The following DDB2 variants were observed in gnomAD, a reference collection of about 807,000 sequenced individuals.
The protein encoded by DDB2 is DNA damage-binding protein 2.
In DDB2, 27 loss-of-function variants were observed where a neutral mutation model predicts 50.5. That is an observed-to-expected ratio of 0.53 (90% confidence interval 0.39 to 0.74). DDB2 has a LOEUF of 0.74. DDB2 is among the 30% of genes least tolerant of loss of function. The pLI is 0.00. For synonymous variants in DDB2, 176 were observed against 205.5 expected (o/e 0.86, Z 1.23); for missense variants, 424 against 545.6 (o/e 0.78, Z 2.22).
At chr11:47,221,812 C>T (rs1953488721) in intron 3 of DDB2, 1 of 152,108 alleles carries the variant, frequency 6.6e-6, no homozygotes, top group Non-Finnish European at 1.5e-5. Flanking sequence ...AACTCCTGAC[C>T]TCAAGTGATC....
At chr11:47,238,754 G>C in intron 9 of DDB2, 46 bp from the exon 10 acceptor site, 1 of 1,607,424 alleles carries the variant, frequency 6.2e-7, no homozygotes, top group Non-Finnish European at 8.5e-7. Flanking sequence ...GGCTCTGAGA[G>C]ATTGGTAACA....
chr11:47,237,786 C>A, intron 7 of DDB2, 51 bp from the exon 8 acceptor site: 4 of 1,592,238 alleles, frequency 2.5e-6, no homozygotes, highest in Non-Finnish European at 3.4e-6. Context: ...TTGATGTCCC[C>A]CTTGATCATG....
At chr11:47,214,805 C>A, upstream of DDB2, 1 of 399,580 alleles carries the variant, frequency 2.5e-6, no homozygotes, top group Non-Finnish European at 4.7e-6. Flanking sequence ...AGCCGGGGAC[C>A]ATCTTTGCTC....
chr11:47,226,957 T>C (rs1362651497), intron 3 of DDB2, among the ~76,000 whole-genome samples: 2 of 151,750 alleles, frequency 1.3e-5, no homozygotes, highest in African/African-American at 4.8e-5. Flanking sequence ...AAGGACTTAC[T>C]AAGTTAAAAA....
upstream of DDB2, chr11:47,214,771 T>TAA (rs781389544): frequency 2.0e-4 from 62 of 304,714 alleles, no homozygotes; most frequent in East Asian, 3.6e-4. Flanking sequence ...ACCCTGTTGC[T>TAA]AAAAAAAAAA....
intron 3 of DDB2, among the ~76,000 whole-genome samples, chr11:47,225,952 T>TAAA (rs957282630): frequency 2.0e-5 from 3 of 152,256 alleles, no homozygotes; most frequent in Non-Finnish European, 2.9e-5. Context: ...TTTCCTTTTT[T>TAAA]AAGGCTGAAT....
intron 3 of DDB2, among the ~76,000 whole-genome samples, chr11:47,222,494 C>A (rs1407006009): frequency 6.6e-6 from 1 of 152,154 alleles, no homozygotes; most frequent in Non-Finnish European, 1.5e-5. Flanking sequence ...CATGCACAGG[C>A]CACCATACCT....
At position 47,237,080 on chromosome 11, in the gene DDB2, T is replaced by C. The variant is rs4237548; in HGVS notation, c.1024-757T>C. 5.3e-3 allele frequency among the ~76,000 whole-genome samples: 812 copies of C among 152,316 alleles called. 4 individuals carry two copies. Among genetic ancestry groups the C allele is most frequent in the Admixed American group, 9.7e-3 (148 of 15,292 alleles). On this transcript the variant is annotated intron_variant, in intron 7 of 9. Coordinates refer to ENST00000256996, the MANE Select transcript of DDB2 (RefSeq NM_000107.3). The stretch of plus-strand genomic sequence containing the variant: ...TGGGTTTCCTTCTCTTTTTTAGCCA[T>C]TAGCAATTTTACACTCAGCTCTTAG...
chr11:47,233,081 C>G (rs1953672701), intron 4 of DDB2, 122 bp downstream of exon 4: 5 of 1,160,000 alleles, frequency 4.3e-6, no homozygotes, highest in African/African-American at 1.5e-5. Flanking sequence ...ATGTCAGCCA[C>G]TTTCCGCCCT....
chr11:47,237,878 A>T lies in DDB2; in HGVS notation c.1065A>T (p.Arg355=). 2 of 1,614,138 alleles carry T rather than the reference A, an allele frequency of 1.2e-6. No individual in the cohort carries two copies. The highest frequency in any genetic ancestry group is 1.1e-5 in the South Asian group (1 of 91,080). ...HPRYNLIVVG[R]YPDPNFKSCT... is the part of the protein sequence containing the mutation. ...GCTACAACCTCATTGTTGTGGGCCGATACCCAGATCCTAATTTCAAAAGTT... is the reference window on the plus strand; with the variant it reads ...GCTACAACCTCATTGTTGTGGGCCGTTACCCAGATCCTAATTTCAAAAGTT... The change falls in exon 8 of 10, where the codon CGA becomes CGT. Residue 355 remains arginine (R), a synonymous_variant. Transcript: ENST00000256996.
chr11:47,221,846 G>A (rs1186538601), intron 3 of DDB2: 1 of 152,230 alleles, frequency 6.6e-6, no homozygotes, highest in Non-Finnish European at 1.5e-5. Flanking sequence ...CTCCCAAAAT[G>A]CTGGGATTAC....
intron 7 of DDB2, among the ~76,000 whole-genome samples, chr11:47,236,265 A>G (rs908169280): frequency 1.3e-5 from 2 of 152,108 alleles, no homozygotes; most frequent in African/African-American, 4.8e-5. Context: ...TGCAGGTTTC[A>G]GTGCTTCTAA....
At chr11:47,218,699 AG>A (rs1356420154) in intron 3 of DDB2, among the ~76,000 whole-genome samples, 1 of 151,712 alleles carries the variant, frequency 6.6e-6, no homozygotes, top group African/African-American at 2.4e-5. Context: ...CACTGGGTTT[AG>A]AGCAGGAGTC....
At chr11:47,228,818 G>A (rs542555298) in intron 3 of DDB2, among the ~76,000 whole-genome samples, 3 of 151,524 alleles carry the variant, frequency 2.0e-5, no homozygotes, top group South Asian at 4.2e-4. Flanking sequence ...TTAGCTAAGC[G>A]TGGTGGCGTG....
chr11:47,216,278 T>A (rs946249161), intron 1 of DDB2, 58 bp from the exon 2 acceptor site: 4 of 1,613,722 alleles, frequency 2.5e-6, no homozygotes, highest in Non-Finnish European at 2.5e-6. Flanking sequence ...TTCGGGGAAT[T>A]CAGCAGAAAA....
chr11:47,229,311 A>G (rs1193607572), intron 3 of DDB2, among the ~76,000 whole-genome samples: 1 of 152,100 alleles, frequency 6.6e-6, no homozygotes, highest in East Asian at 1.9e-4. Flanking sequence ...GAGGATGCTG[A>G]ACCACAGGGA....
Position 47,234,597 on chromosome 11 carries a change from G to A in DDB2, c.627G>A (p.Val209=). ...TINIWFCSLD[V]SASSRMVVTG... ...GCATCTGGTTTTGTAGCCTGGATGTGTCTGCTAGTAGCCGAATGGTGGTCA... is the reference window on the plus strand; with the variant it reads ...GCATCTGGTTTTGTAGCCTGGATGTATCTGCTAGTAGCCGAATGGTGGTCA... Residue 209 remains valine, a synonymous_variant, in exon 5 of 10, where the codon GTG becomes GTA. Transcript: ENST00000256996. 6.2e-7 allele frequency: 1 copy of A among 1,614,128 alleles called. No homozygotes were observed. Among genetic ancestry groups the A allele is most frequent in the Non-Finnish European group, 8.5e-7 (1 of 1,180,006 alleles).
At chr11:47,234,733 C>T (rs762359144) in intron 5 of DDB2, 24 bp from the exon 6 acceptor site, 39 of 1,613,956 alleles carry the variant, frequency 2.4e-5, no homozygotes, top group Middle Eastern at 3.3e-4. Context: ...TGTGTCCCCA[C>T]CTGAACCGAG....
Position 47,235,156 on chromosome 11 carries a change from G to A in DDB2, c.881-114G>A, listed in dbSNP as rs114620783. ...AGCCCAGATTCACCTCTTCCTTTCCGCTCCTGTCTAGAGAGGAGTGGGAGG... is the reference window on the plus strand; with the variant it reads ...AGCCCAGATTCACCTCTTCCTTTCCACTCCTGTCTAGAGAGGAGTGGGAGG... On this transcript the variant is annotated intron_variant, in intron 6 of 9. Coordinates refer to ENST00000256996, the MANE Select transcript of DDB2 (RefSeq NM_000107.3). The A allele has an allele frequency of 4.1e-4, 601 of 1,470,816 alleles. 5 individuals are homozygous for A. The African/African-American group carries it at 5.8e-3, about 14-fold the overall frequency. The allele number at this position is 1,470,816 out of a possible 1,614,324, so 91.1% of individuals were successfully genotyped here. A position where few individuals can be genotyped will look rare whatever the true frequency, so the allele number is the denominator to read the frequency against.
Sources: allele counts gnomAD v4.1 joint callset (sites outside exome capture counted in the v4.1 genomes callset), GRCh38; gene constraint gnomAD v4.1.1; transcripts MANE v1.5; gene names NCBI Gene and HGNC (gene_info 2026-07-23, HGNC 2026-07-21).